Variants in CADM1 observed in about 807,000 individuals in gnomAD.
CADM1 encodes the protein cell adhesion molecule 1, also known as TSLC-1.
CADM1 carries 15 observed loss-of-function variants against 53.1 expected under a neutral mutation model. The ratio of observed to expected loss-of-function variants is 0.28; its 90% CI spans 0.19 to 0.44. CADM1 has a LOEUF of 0.44. Among genes scored for constraint, CADM1 ranks in the 20% least tolerant of loss-of-function variants. The pLI is 1.00. For missense variants in CADM1, 434 were observed against 611.3 expected (o/e 0.71, Z 3.06); for synonymous variants, 281 against 243.0 (o/e 1.16, Z -1.45).
chr11:115,257,914 G>C (rs1332384676), intron 1 of CADM1, among the ~76,000 whole-genome samples: 1 of 152,206 alleles, frequency 6.6e-6, no homozygotes, highest in Admixed American at 6.5e-5. Context: ...TGGGGCCCAG[G>C]CGTTTGCATG....
intron 1 of CADM1, among the ~76,000 whole-genome samples, chr11:115,343,152 C>G (rs1426077613): frequency 6.6e-6 from 1 of 152,136 alleles, no homozygotes; most frequent in Non-Finnish European, 1.5e-5. Flanking sequence ...GTTCTCGTAG[C>G]AGCCCTATAA....
chr11:115,288,163 C>T (rs927920283), intron 1 of CADM1, among the ~76,000 whole-genome samples: 5 of 151,978 alleles, frequency 3.3e-5, no homozygotes, highest in Admixed American at 2.0e-4. Flanking sequence ...AAACAAGGGC[C>T]CTACAGGGAG....
At position 115,489,384 on chromosome 11, in the gene CADM1, G is replaced by T. The variant is rs192202280; in HGVS notation, c.124+14887C>A. ...CTAAATTAAATTCATAGACACTAAG[G>T]CCTTGGCATATTCTGTATCCCAACA... On this transcript the variant is annotated intron_variant, in intron 1 of 11. Coordinates refer to ENST00000331581, the MANE Select transcript of CADM1 (RefSeq NM_001301043.2). Among the ~76,000 whole-genome samples the T allele has an allele frequency of 2.5e-3, 382 of 152,228 alleles. 4 individuals carry two copies. The highest frequency in any genetic ancestry group is 9.6e-4 in the Non-Finnish European group (65 of 68,016).
rs1410360125 is a variant in CADM1, at chr11:115,504,171, T to TG, written c.124+99dup. ...CTCCCTCCGCTTCGGATGTAGGAAG[T>TG]GGGGGGAGGTTGTCATGGAAACGTT... On this transcript the variant is annotated intron_variant, in intron 1 of 11. Coordinates refer to ENST00000331581, the MANE Select transcript of CADM1 (RefSeq NM_001301043.2). The TG allele has an allele frequency of 2.6e-5, 39 of 1,494,350 alleles. 1 individual carries two copies. The East Asian group carries it at 6.7e-4, about 26-fold the overall frequency. 92.6% of individuals were successfully genotyped at this position (1,494,350 alleles called of 1,614,324 possible).
chr11:115,338,268 A>G (rs1397129786), intron 1 of CADM1, among the ~76,000 whole-genome samples: 6 of 152,182 alleles, frequency 3.9e-5, no homozygotes, highest in African/African-American at 1.4e-4. Flanking sequence ...CCATTGTTAA[A>G]TATCTTTTAT....
intron 1 of CADM1, among the ~76,000 whole-genome samples, chr11:115,382,705 A>G (rs1300951084): frequency 6.6e-6 from 1 of 152,184 alleles, no homozygotes; most frequent in Non-Finnish European, 1.5e-5. Context: ...GAAACTAAGA[A>G]AACAAAGGTT....
chr11:115,366,100 C>T (rs1049002111), intron 1 of CADM1, among the ~76,000 whole-genome samples: 1 of 152,158 alleles, frequency 6.6e-6, no homozygotes, highest in Non-Finnish European at 1.5e-5. Flanking sequence ...TTCTGTCACT[C>T]GGGTCACATG....
At chr11:115,328,704 ATATATATATGTG>A (rs1565367999) in intron 1 of CADM1, among the ~76,000 whole-genome samples, 1 of 7,764 alleles carries the variant, frequency 1.3e-4, no homozygotes, top group Non-Finnish European at 5.3e-4. Context: ...ATATATATGT[ATATATATATGTG>A]TATATATATG....
At chr11:115,369,430 C>A (rs1449071098) in intron 1 of CADM1, among the ~76,000 whole-genome samples, 3 of 152,052 alleles carry the variant, frequency 2.0e-5, no homozygotes, top group Non-Finnish European at 4.4e-5. Flanking sequence ...ATCCTATTTG[C>A]CTTAAGAAGC....
At chr11:115,443,222 A>G (rs981757219) in intron 1 of CADM1, among the ~76,000 whole-genome samples, 1 of 152,224 alleles carries the variant, frequency 6.6e-6, no homozygotes, top group Non-Finnish European at 1.5e-5. Context: ...CTGTACATAG[A>G]TCTACACAGC....
At chr11:115,238,915 C>A (rs1468829102) in intron 2 of CADM1, among the ~76,000 whole-genome samples, 1 of 152,018 alleles carries the variant, frequency 6.6e-6, no homozygotes, top group Non-Finnish European at 1.5e-5. Flanking sequence ...CAGCTACGCA[C>A]CCTTCTAACT....
At chr11:115,179,469 AC>A (rs1408739259) in intron 10 of CADM1, among the ~76,000 whole-genome samples, 1 of 152,092 alleles carries the variant, frequency 6.6e-6, no homozygotes. Context: ...TATAAGCATC[AC>A]CCCCTCAGGA....
chr11:115,245,154 G>C (rs900696159), intron 1 of CADM1, among the ~76,000 whole-genome samples: 3 of 152,212 alleles, frequency 2.0e-5, no homozygotes, highest in Non-Finnish European at 4.4e-5. Context: ...TTTGCCCAGA[G>C]AAAGGGCAAA....
chr11:115,434,014 A>G (rs1316122007), intron 1 of CADM1, among the ~76,000 whole-genome samples: 1 of 152,178 alleles, frequency 6.6e-6, no homozygotes, highest in Non-Finnish European at 1.5e-5. Context: ...AGATCTTTTA[A>G]GTTTATGTAA....
At chr11:115,212,633 G>A (rs1350687948) in intron 7 of CADM1, among the ~76,000 whole-genome samples, 2 of 152,188 alleles carry the variant, frequency 1.3e-5, no homozygotes, top group East Asian at 3.8e-4. Context: ...TCATATTGAA[G>A]GGGATTGTTC....
At chr11:115,330,939 T>C (rs1018288426) in intron 1 of CADM1, among the ~76,000 whole-genome samples, 10 of 152,046 alleles carry the variant, frequency 6.6e-5, no homozygotes, top group African/African-American at 1.9e-4. Context: ...GCACTGGACA[T>C]GAACAAAAGG....
chr11:115,274,828 C>A (rs1391105004), intron 1 of CADM1, among the ~76,000 whole-genome samples: 2 of 152,156 alleles, frequency 1.3e-5, no homozygotes, highest in African/African-American at 4.8e-5. Context: ...AAGTTCAGAT[C>A]TTGTGTCTTC....
chr11:115,379,044 T>A (rs1946511031), intron 1 of CADM1, among the ~76,000 whole-genome samples: 2 of 152,230 alleles, frequency 1.3e-5, no homozygotes, highest in Admixed American at 6.5e-5. Flanking sequence ...TGTCTCTAGC[T>A]AGATGATGTA....
At chr11:115,377,173 C>G (rs1298979115) in intron 1 of CADM1, 5 of 151,460 alleles carry the variant, frequency 3.3e-5, no homozygotes, top group African/African-American at 1.2e-4. Context: ...ATTTTTTTTT[C>G]CTTGCAAGCA....
Sources: allele counts gnomAD v4.1 joint callset (sites outside exome capture counted in the v4.1 genomes callset), GRCh38; gene constraint gnomAD v4.1.1; transcripts MANE v1.5; gene names NCBI Gene and HGNC (gene_info 2026-07-23, HGNC 2026-07-21).